The following ZNF14 variants were observed in gnomAD, a reference collection of about 807,000 sequenced individuals.
ZNF14 encodes zinc finger protein 14.
ZNF14 carries 9 observed loss-of-function variants against 11.3 expected under a neutral mutation model. The observed-to-expected ratio is 0.80, with a 90% confidence interval of 0.48 to 1.39. The LOEUF is 1.39. ZNF14 is among the 40% of genes most tolerant of loss of function. ZNF14 has a pLI of 0.00. For missense variants in ZNF14, 711 were observed against 763.9 expected, an observed-to-expected ratio of 0.93 and a Z score of 0.82; for synonymous variants, 239 against 245.7, an observed-to-expected ratio of 0.97 and a Z score of 0.25.
At chr19:19,716,541 C>T (rs1381540049) in intron 1 of ZNF14, among the ~76,000 whole-genome samples, 2 of 152,096 alleles carry the variant, frequency 1.3e-5, no homozygotes, top group African/African-American at 2.4e-5. Flanking sequence ...TGCCTGCCTC[C>T]GCCTCCCAAA....
In ZNF14 at chr19:19,714,162, T is replaced by A. The variant is rs2062370844; in HGVS notation, c.131-11A>T. The A allele has an allele frequency of 2.5e-6, 4 of 1,612,030 alleles. No individual in the cohort carries two copies. On this transcript the variant is annotated splice_polypyrimidine_tract_variant and intron_variant, in intron 2 of 3. Coordinates refer to ENST00000344099, the MANE Select transcript of ZNF14 (RefSeq NM_021030.3). ...CTTCCCACTTTTTTCCTAAAATGCA[T>A]ACCCAGAAAGACCATTAAAAATTAT...
chr19:19,721,629 C>T (rs1696396386), intron 1 of ZNF14, among the ~76,000 whole-genome samples: 1 of 152,122 alleles, frequency 6.6e-6, no homozygotes, highest in East Asian at 1.9e-4. Flanking sequence ...TCAACATCAC[C>T]TGTAGCCATC....
In ZNF14 at chr19:19,711,176, G is replaced by A. The variant is rs2062358260; in HGVS notation, c.*176C>T. On this transcript the variant is annotated 3_prime_UTR_variant, in exon 4 of 4. Coordinates refer to ENST00000344099, the MANE Select transcript of ZNF14 (RefSeq NM_021030.3). The stretch of plus-strand genomic sequence containing the variant: ...GGTCAACTGAAGGCTTAATCACAAT[G>A]TTTACATTCATACTGTTTCTCACCA... 2 of 609,718 alleles carry A rather than the reference G, an allele frequency of 3.3e-6. No individual in the cohort carries two copies. The highest frequency in any genetic ancestry group is 1.9e-5 in the African/African-American group (1 of 53,472). The allele number at this position is 609,718 out of a possible 1,614,324, so 37.8% of individuals were successfully genotyped here.
intron 1 of ZNF14, among the ~76,000 whole-genome samples, chr19:19,729,136 C>T (rs1055971095): frequency 7.9e-5 from 12 of 151,808 alleles, no homozygotes; most frequent in African/African-American, 2.9e-4. Flanking sequence ...ACCACCACAC[C>T]CAGCTAATTT....
chr19:19,713,358 C>G (rs2062367942), intron 3 of ZNF14, among the ~76,000 whole-genome samples: 1 of 152,128 alleles, frequency 6.6e-6, no homozygotes, highest in African/African-American at 2.4e-5. Context: ...ATGATCACAG[C>G]TCACTGAAGC....
intron 1 of ZNF14, among the ~76,000 whole-genome samples, chr19:19,723,638 G>GTTATAATTACGCC (rs1212968512): frequency 1.1e-5 from 1 of 92,488 alleles, no homozygotes; most frequent in African/African-American, 4.0e-5. Flanking sequence ...CTATTAATTG[G>GTTATAATTACGCC]AATAGTTTCA....
Position 19,714,162 on chromosome 19 carries a change from T to C in ZNF14, c.131-11A>G. On this transcript the variant is annotated splice_polypyrimidine_tract_variant and intron_variant, in intron 2 of 3. Coordinates refer to ENST00000344099, the MANE Select transcript of ZNF14 (RefSeq NM_021030.3). Reference sequence around the variant, plus strand: ...CTTCCCACTTTTTTCCTAAAATGCATACCCAGAAAGACCATTAAAAATTAT... The same window carrying C: ...CTTCCCACTTTTTTCCTAAAATGCACACCCAGAAAGACCATTAAAAATTAT... 1 of 1,612,148 alleles carries C rather than the reference T, an allele frequency of 6.2e-7. No homozygotes were observed.
Position 19,711,714 on chromosome 19 carries a change from T to C in ZNF14, c.1567A>G (p.Lys523Glu), listed in dbSNP as rs1440585971. ...SFSSSLREHE[K>E]IHTGNKPFEC... is the part of the protein sequence containing the mutation. ...AAAGGCTTATTTCCAGTGTGAATTT[T>C]TTCATGTTCTCGAAGGGAACTTGAA... Residue 523 changes from lysine (K) to glutamate (E), a missense_variant, in exon 4 of 4, where the codon AAA (lysine) becomes GAA (glutamate). Lys to Glu is a moderately conservative substitution (Grantham distance 56). Transcript: ENST00000344099. 11 of 1,614,162 alleles carry C rather than the reference T, an allele frequency of 6.8e-6. No homozygotes were observed. Among genetic ancestry groups the C allele is most frequent in the Non-Finnish European group, 8.5e-6 (10 of 1,180,020 alleles).
chr19:19,718,058 C>T (rs1224820068), intron 1 of ZNF14, among the ~76,000 whole-genome samples: 1 of 152,192 alleles, frequency 6.6e-6, no homozygotes, highest in East Asian at 1.9e-4. Context: ...GGCCTATTTA[C>T]CTCAGTTTCT....
intron 3 of ZNF14, 52 bp downstream of exon 3, chr19:19,714,039 T>A (rs931167254): frequency 6.8e-7 from 1 of 1,474,550 alleles, no homozygotes; most frequent in African/African-American, 1.4e-5. Context: ...TTTTGCTTGC[T>A]TTCTTTTGAA....
Position 19,711,710 on chromosome 19 carries a change from A to AT in ZNF14, c.1570dup (p.Ile524AsnfsTer6). Reference sequence around the variant, plus strand: ...CTCAAAAGGCTTATTTCCAGTGTGAATTTTTTCATGTTCTCGAAGGGAACT... The same window carrying AT: ...CTCAAAAGGCTTATTTCCAGTGTGAATTTTTTTCATGTTCTCGAAGGGAACT... On this transcript the variant is annotated frameshift_variant, in exon 4 of 4. Transcript: ENST00000344099. LOFTEE classifies it low-confidence loss of function (END_TRUNC). 1 of 1,613,064 alleles carries AT rather than the reference A, an allele frequency of 6.2e-7. No homozygotes were observed. The highest frequency in any genetic ancestry group is 1.3e-5 in the African/African-American group (1 of 74,648).
At chr19:19,725,748 C>A (rs1288058333) in intron 1 of ZNF14, among the ~76,000 whole-genome samples, 1 of 133,824 alleles carries the variant, frequency 7.5e-6, no homozygotes, top group Non-Finnish European at 1.7e-5. Context: ...CACATAGTCC[C>A]AAATTTCTTG....
At chr19:19,715,985 A>G (rs898772428) in intron 1 of ZNF14, among the ~76,000 whole-genome samples, 3 of 152,164 alleles carry the variant, frequency 2.0e-5, no homozygotes, top group African/African-American at 4.8e-5. Flanking sequence ...CTAGGAGATT[A>G]CTAGGAAGTT....
Position 19,711,669 on chromosome 19 carries a change from T to C in ZNF14, c.1612A>G (p.Lys538Glu), listed in dbSNP as rs886681914. Residue 538 changes from lysine (K) to glutamate (E), a missense_variant, in exon 4 of 4, where the codon AAG becomes GAG. Lys to Glu is a moderately conservative substitution (Grantham distance 56). Coordinates refer to ENST00000344099, the MANE Select transcript of ZNF14 (RefSeq NM_021030.3). ...NKPFECKQCG[K>E]AFLRSSQIRL... ...ATTTGACTGGAACGAAGGAAGGCCT[T>C]ACCACATTGCTTACACTCAAAAGGC... The C allele has an allele frequency of 2.5e-6, 4 of 1,614,072 alleles. No homozygotes were observed. Among genetic ancestry groups the C allele is most frequent in the Admixed American group, 1.7e-5 (1 of 60,014 alleles).
intron 2 of ZNF14, 103 bp from the exon 3 acceptor site, chr19:19,714,254 GA>G (rs1430784066): frequency 1.8e-5 from 28 of 1,590,304 alleles, no homozygotes; most frequent in Non-Finnish European, 2.3e-5. Context: ...TTCAATCACT[GA>G]AAGATTCCCT....
chr19:19,714,464 C>G lies in ZNF14; in HGVS notation c.27G>C (p.Val9=). The change falls in exon 2 of 4, where the codon GTG becomes GTC. Residue 9 remains valine, a synonymous_variant. Transcript: ENST00000344099. MDSVSFED[V]AVNFTLEEWA... is the part of the protein sequence containing the mutation. ...ACTCCTCCAGGGTGAAGTTCACGGCCACATCCTCAAAGGAGACTGAGTCCT... is the reference window on the plus strand; with the variant it reads ...ACTCCTCCAGGGTGAAGTTCACGGCGACATCCTCAAAGGAGACTGAGTCCT... 3 of 1,613,868 alleles carry G rather than the reference C, an allele frequency of 1.9e-6. No individual in the cohort carries two copies. The highest frequency in any genetic ancestry group is 2.5e-6 in the Non-Finnish European group (3 of 1,179,958).
chr19:19,714,326 T>C, intron 2 of ZNF14, 35 bp downstream of exon 2: 1 of 1,612,676 alleles, frequency 6.2e-7, no homozygotes, highest in Middle Eastern at 1.8e-4. Context: ...CTGTGTTCTA[T>C]ATTTAACTGA....
In ZNF14 at chr19:19,711,465, CATGAATTCGA is replaced by C; in HGVS notation, c.1806_1815del (p.Arg603LysfsTer100). On this transcript the variant is annotated frameshift_variant, in exon 4 of 4. Coordinates refer to ENST00000344099, the MANE Select transcript of ZNF14 (RefSeq NM_021030.3). LOFTEE classifies it low-confidence loss of function (END_TRUNC). ...GGTTTCTCTCCAGTGTGAGACCTTTCATGAATTCGAACAGAACTTGAAAATCTGAAGGCTT... is the reference window on the plus strand; with the variant it reads ...GGTTTCTCTCCAGTGTGAGACCTTTCACAGAACTTGAAAATCTGAAGGCTT... The C allele has an allele frequency of 6.2e-7, 1 of 1,613,820 alleles. No individual in the cohort carries two copies. Among genetic ancestry groups the C allele is most frequent in the Non-Finnish European group, 8.5e-7 (1 of 1,179,930 alleles).
At position 19,714,423 on chromosome 19, in the gene ZNF14, G is replaced by A. The variant is rs2145094645; in HGVS notation, c.68C>T (p.Ser23Phe). Residue 23 changes from serine (S) to phenylalanine (F), a missense_variant, in exon 2 of 4, where the codon TCT becomes TTT. By Grantham distance (155) the Ser-to-Phe change is radical. Coordinates refer to ENST00000344099, the MANE Select transcript of ZNF14 (RefSeq NM_021030.3). Reference sequence around the variant, plus strand: ...ATCTTCATAGAGCTTTTTCTGTGAAGAATCCAGCAAAGCCCACTCCTCCAG... The same window carrying A: ...ATCTTCATAGAGCTTTTTCTGTGAAAAATCCAGCAAAGCCCACTCCTCCAG... ...FTLEEWALLD[S>F]SQKKLYEDVM... 2 of 1,614,090 alleles carry A rather than the reference G, an allele frequency of 1.2e-6. No individual in the cohort carries two copies. The highest frequency in any genetic ancestry group is 4.5e-5 in the East Asian group (2 of 44,872).
Sources: allele counts gnomAD v4.1 joint callset (sites outside exome capture counted in the v4.1 genomes callset), GRCh38; gene constraint gnomAD v4.1.1; transcripts MANE v1.5; gene names NCBI Gene and HGNC (gene_info 2026-07-23, HGNC 2026-07-21).